CA12: variants seen among roughly 807,000 people sequenced by gnomAD.
The protein encoded by CA12 is carbonate dehydratase XII.
In CA12, 36 loss-of-function variants were observed where a neutral mutation model predicts 46.8. That is an observed-to-expected ratio of 0.77 (90% confidence interval 0.59 to 1.02). The LOEUF is 1.02. CA12 is among the 50% of genes least tolerant of loss of function. The pLI is 0.00. For missense variants in CA12, 436 were observed against 451.4 expected (o/e 0.97, Z 0.31); for synonymous variants, 202 against 187.0 (o/e 1.08, Z -0.65).
rs1168956337 is a variant in CA12, at chr15:63,348,983, G to A, written c.107-2274C>T. 6.6e-6 allele frequency among the ~76,000 whole-genome samples: 1 copy of A among 152,220 alleles called. No individual in the cohort carries two copies. Among genetic ancestry groups the A allele is most frequent in the East Asian group, 1.9e-4 (1 of 5,204 alleles). ...GTATTTGGGGGGCAGGAAAGACTAA[G>A]GATATTAAAGGCAGTAGAGTTGGTG... On this transcript the variant is annotated intron_variant, in intron 2 of 10. Coordinates refer to ENST00000178638, the MANE Select transcript of CA12 (RefSeq NM_001218.5). This position sits in a 1 kb window ranked among gnomAD's most constrained non-coding sequence, Gnocchi z 4.6.
Position 63,346,675 on chromosome 15 carries a change from G to A in CA12, c.141C>T (p.Tyr47=), listed in dbSNP as rs146830270. Residue 47 remains tyrosine (Y), a synonymous_variant, in exon 3 of 11, where the codon TAC becomes TAT. Transcript: ENST00000178638. ...ACTGCAGCAGGCCCCCACACGACGG[G>A]TACTTCTTGGACCAGCTATTCTCCC... ...PDGENSWSKK[Y]PSCGGLLQSP... The A allele has an allele frequency of 1.9e-6, 3 of 1,614,030 alleles. No individual in the cohort carries two copies. The highest frequency in any genetic ancestry group is 2.5e-6 in the Non-Finnish European group (3 of 1,180,034).
chr15:63,341,401 C>T lies in CA12; in HGVS notation c.525+601G>A, dbSNP rs2039078322. ...CCCTGTCAAATCAGCAGAGGCCTCC[C>T]ATTCTCATAGGAGCACAAGCCCTAT... On this transcript the variant is annotated intron_variant, in intron 5 of 10. Transcript: ENST00000178638. This position sits in a 1 kb window ranked among gnomAD's most constrained non-coding sequence, Gnocchi z 5.2. Among the ~76,000 whole-genome samples the T allele has an allele frequency of 6.6e-6, 1 of 152,222 alleles. No individual in the cohort carries two copies. Among genetic ancestry groups the T allele is most frequent in the African/African-American group, 2.4e-5 (1 of 41,462 alleles).
chr15:63,331,506 C>A lies in CA12; in HGVS notation c.875-3376G>T, dbSNP rs1462661027. 6.6e-6 allele frequency among the ~76,000 whole-genome samples: 1 copy of A among 152,294 alleles called. No individual in the cohort carries two copies. The highest frequency in any genetic ancestry group is 2.1e-4 in the South Asian group (1 of 4,826). The stretch of plus-strand genomic sequence containing the variant: ...CAGGCTAGGTCACAGAGGTGGCCCA[C>A]GAGAGGCATCGAGTGGCAGCCCAAC... On this transcript the variant is annotated intron_variant, in intron 8 of 10. Coordinates refer to ENST00000178638, the MANE Select transcript of CA12 (RefSeq NM_001218.5). This position sits in a 1 kb window ranked among gnomAD's most constrained non-coding sequence, Gnocchi z 5.3.
chr15:63,347,821 A>C lies in CA12; in HGVS notation c.107-1112T>G, dbSNP rs565539671. ...GTGGGCTCTATCAGAGCTGGGGATC[A>C]AGCTTTGCCATCTGGGGGTCCGTTC... On this transcript the variant is annotated intron_variant, in intron 2 of 10. Coordinates refer to ENST00000178638, the MANE Select transcript of CA12 (RefSeq NM_001218.5). 2.0e-5 allele frequency among the ~76,000 whole-genome samples: 3 copies of C among 152,308 alleles called. No individual in the cohort carries two copies. The South Asian group carries it at 6.2e-4, about 32-fold the overall frequency.
At position 63,329,344 on chromosome 15, in the gene CA12, C is replaced by T. The variant is rs1316618466; in HGVS notation, c.875-1214G>A. Among the ~76,000 whole-genome samples the T allele has an allele frequency of 1.3e-5, 2 of 152,142 alleles. No individual in the cohort carries two copies. The highest frequency in any genetic ancestry group is 2.4e-5 in the African/African-American group (1 of 41,410). ...TGAACCCGTGCCCAGCTACCTAAGT[C>T]TCACAGTCAGCCTACTAGCCACCTC... On this transcript the variant is annotated intron_variant, in intron 8 of 10. Coordinates refer to ENST00000178638, the MANE Select transcript of CA12 (RefSeq NM_001218.5). The surrounding 1 kb of genome is among the most constrained non-coding windows in gnomAD (Gnocchi z 4.8).
Position 63,327,148 on chromosome 15 carries a change from C to T in CA12, c.992+1G>A. The T allele has an allele frequency of 6.2e-7, 1 of 1,613,838 alleles. No individual in the cohort carries two copies. The highest frequency in any genetic ancestry group is 8.5e-7 in the Non-Finnish European group (1 of 1,179,762). On this transcript the variant is annotated splice_donor_variant, in intron 10 of 10. Transcript: ENST00000178638. LOFTEE classifies it high-confidence loss of function. The surrounding 1 kb of genome is among the most constrained non-coding windows in gnomAD (Gnocchi z 4.5). The stretch of plus-strand genomic sequence containing the variant: ...CCCATTTTGGACCCAAACCAGCTCA[C>T]CTCTTCCTTCTGAAAAGCCAAATGG...
At position 63,329,907 on chromosome 15, in the gene CA12, T is replaced by C. The variant is rs112099860; in HGVS notation, c.875-1777A>G. 1.7e-3 allele frequency among the ~76,000 whole-genome samples: 263 copies of C among 152,326 alleles called. No individual in the cohort carries two copies. The highest frequency in any genetic ancestry group is 3.4e-3 in the Non-Finnish European group (228 of 68,022). On this transcript the variant is annotated intron_variant, in intron 8 of 10. Coordinates refer to ENST00000178638, the MANE Select transcript of CA12 (RefSeq NM_001218.5). This position sits in a 1 kb window ranked among gnomAD's most constrained non-coding sequence, Gnocchi z 4.8. The stretch of plus-strand genomic sequence containing the variant: ...CCGTGTGCTTTTCCGATTGTCTTTT[T>C]CTGCAATCTCACATTGAACCTGCAG...
intron 4 of CA12, among the ~76,000 whole-genome samples, chr15:63,344,838 C>T (rs749582588): frequency 2.0e-5 from 3 of 152,086 alleles, no homozygotes; most frequent in Non-Finnish European, 4.4e-5. Context: ...ATGCTCTGCC[C>T]GTCTTCTAAT....
At chr15:63,338,600 T>TG (rs752012769) in intron 8 of CA12, among the ~76,000 whole-genome samples, 1 of 152,202 alleles carries the variant, frequency 6.6e-6, no homozygotes, top group African/African-American at 2.4e-5. Context: ...TCCATGTGCC[T>TG]GGGGGCCTCG....
chr15:63,359,214 A>T, intron 2 of CA12, among the ~76,000 whole-genome samples: 1 of 152,090 alleles, frequency 6.6e-6, no homozygotes, highest in East Asian at 1.9e-4. Flanking sequence ...ATGGGATCCT[A>T]AAACCAGATG....
intron 1 of CA12, among the ~76,000 whole-genome samples, chr15:63,376,018 A>G (rs2039566475): frequency 6.6e-6 from 1 of 152,168 alleles, no homozygotes; most frequent in Admixed American, 6.5e-5. Flanking sequence ...CATGTTGGTC[A>G]GGCTGGTCTC....
intron 8 of CA12, among the ~76,000 whole-genome samples, chr15:63,333,643 A>G (rs2038963247): frequency 6.6e-6 from 1 of 152,236 alleles, no homozygotes; most frequent in Admixed American, 6.5e-5. Flanking sequence ...TAACACATGC[A>G]TTCTAGCCTC....
At position 63,348,026 on chromosome 15, in the gene CA12, G is replaced by A. The variant is rs1421377019; in HGVS notation, c.107-1317C>T. On this transcript the variant is annotated intron_variant, in intron 2 of 10. Coordinates refer to ENST00000178638, the MANE Select transcript of CA12 (RefSeq NM_001218.5). The surrounding 1 kb of genome is among the most constrained non-coding windows in gnomAD (Gnocchi z 4.6). ...TCTAACTAGGGGACCGTATCTGAGA[G>A]TGGGAAGAATCCGAAGTGATACTTG... 1.3e-5 allele frequency among the ~76,000 whole-genome samples: 2 copies of A among 152,200 alleles called. No individual in the cohort carries two copies. Among genetic ancestry groups the A allele is most frequent in the Non-Finnish European group, 2.9e-5 (2 of 68,038 alleles).
At chr15:63,342,794 G>C (rs140361991) in intron 4 of CA12, among the ~76,000 whole-genome samples, 18 of 152,134 alleles carry the variant, frequency 1.2e-4, no homozygotes, top group Non-Finnish European at 1.9e-4. Flanking sequence ...CATTTTTGCT[G>C]GTTCTTTGTC....
chr15:63,371,837 G>GGT (rs1555432206), intron 2 of CA12, among the ~76,000 whole-genome samples: 2 of 151,668 alleles, frequency 1.3e-5, no homozygotes, highest in Non-Finnish European at 2.9e-5. Context: ...ACACACTAGG[G>GGT]TTTTTTTTGT....
At position 63,327,781 on chromosome 15, in the gene CA12, C is replaced by A. The variant is rs1217681566; in HGVS notation, c.907+317G>T. Reference sequence around the variant, plus strand: ...CCAGTAGTCCATTGCCAAGGTCATGCGGCCTGTCAGCTGACCTCCACAATG... The same window carrying A: ...CCAGTAGTCCATTGCCAAGGTCATGAGGCCTGTCAGCTGACCTCCACAATG... On this transcript the variant is annotated intron_variant, in intron 9 of 10. Transcript: ENST00000178638. This position sits in a 1 kb window ranked among gnomAD's most constrained non-coding sequence, Gnocchi z 4.5. 6.6e-6 allele frequency among the ~76,000 whole-genome samples: 1 copy of A among 152,164 alleles called. No individual in the cohort carries two copies. The highest frequency in any genetic ancestry group is 1.5e-5 in the Non-Finnish European group (1 of 68,032).
At chr15:63,376,747 A>G (rs536204552) in intron 1 of CA12, among the ~76,000 whole-genome samples, 1 of 151,610 alleles carries the variant, frequency 6.6e-6, no homozygotes, top group African/African-American at 2.4e-5. Flanking sequence ...GGCTCAAGCA[A>G]TCCTCCCACC....
Position 63,348,470 on chromosome 15 carries a change from A to T in CA12, c.107-1761T>A, listed in dbSNP as rs2039182854. Among the ~76,000 whole-genome samples the T allele has an allele frequency of 6.6e-6, 1 of 152,218 alleles. No individual in the cohort carries two copies. The highest frequency in any genetic ancestry group is 2.4e-5 in the African/African-American group (1 of 41,456). ...CAGAATGAAGCAACCGTGAGGCCTC[A>T]TGTAGAACCCCAGGGTCAGGAAGAG... On this transcript the variant is annotated intron_variant, in intron 2 of 10. Coordinates refer to ENST00000178638, the MANE Select transcript of CA12 (RefSeq NM_001218.5). This position sits in a 1 kb window ranked among gnomAD's most constrained non-coding sequence, Gnocchi z 4.6.
intron 1 of CA12, chr15:63,379,060 C>G (rs908657493): frequency 2.0e-5 from 3 of 152,140 alleles, no homozygotes; most frequent in African/African-American, 7.2e-5. Flanking sequence ...CTGGAAAGCT[C>G]AGGGCTAAAA....
Sources: allele counts gnomAD v4.1 joint callset (sites outside exome capture counted in the v4.1 genomes callset), GRCh38; gene constraint gnomAD v4.1.1; non-coding constraint Gnocchi (gnomAD v3.1); transcripts MANE v1.5; gene names NCBI Gene and HGNC (gene_info 2026-07-23, HGNC 2026-07-21).